Variants in GALNT18 observed in about 807,000 individuals in gnomAD.
GALNT18 encodes polypeptide N-acetylgalactosaminyltransferase 18, also known as GalNAc-transferase 18.
Under a neutral mutation model 69.5 loss-of-function variants are expected in GALNT18, and 44 were observed. That is an observed-to-expected ratio of 0.63 (90% CI 0.50 to 0.81). The LOEUF is 0.81. Among genes scored for constraint, GALNT18 ranks in the 40% least tolerant of loss-of-function variants. GALNT18 has a pLI of 0.00. For missense variants in GALNT18, 715 were observed against 810.0 expected (o/e 0.88, Z 1.42); for synonymous variants, 364 against 318.2 (o/e 1.14, Z -1.53).
chr11:11,561,150 G>A (rs1858494775), intron 1 of GALNT18, among the ~76,000 whole-genome samples: 3 of 152,086 alleles, frequency 2.0e-5, no homozygotes, highest in African/African-American at 7.3e-5. Context: ...AAATCCATGA[G>A]AAACAGCAGC....
chr11:11,318,574 TTTTCTGTCG>T lies in GALNT18; in HGVS notation c.1512+8503_1512+8511del, dbSNP rs1236739512. Reference sequence around the variant, plus strand: ...AGGCTTCAGAATTGTGAGACAGTAATTTTCTGTCGTTTAAGTCTCGCAGCTTGTGGTACT... The same window carrying T: ...AGGCTTCAGAATTGTGAGACAGTAATTTTAAGTCTCGCAGCTTGTGGTACT... On this transcript the variant is annotated intron_variant, in intron 9 of 10. Transcript: ENST00000227756. This position sits in a 1 kb window ranked among gnomAD's most constrained non-coding sequence, Gnocchi z 5.1. Among the ~76,000 whole-genome samples the T allele has an allele frequency of 6.6e-6, 1 of 152,092 alleles. No homozygotes were observed. Among genetic ancestry groups the T allele is most frequent in the Non-Finnish European group, 1.5e-5 (1 of 68,020 alleles).
chr11:11,613,918 T>C lies in GALNT18; in HGVS notation c.235+7441A>G, dbSNP rs1446051481. Among the ~76,000 whole-genome samples the C allele has an allele frequency of 3.3e-5, 5 of 152,202 alleles. No individual in the cohort carries two copies. The East Asian group carries it at 9.6e-4, about 29-fold the overall frequency. ...CCCACCATGCTGCCTTCTGGTTACATTTATCACTCACATTCAGCCGGGTTT... is the reference window on the plus strand; with the variant it reads ...CCCACCATGCTGCCTTCTGGTTACACTTATCACTCACATTCAGCCGGGTTT... On this transcript the variant is annotated intron_variant, in intron 1 of 10. Transcript: ENST00000227756. The surrounding 1 kb of genome is among the most constrained non-coding windows in gnomAD (Gnocchi z 4.2).
rs888500008 is a variant in GALNT18, at chr11:11,320,328, A to T, written c.1512+6758T>A. Among the ~76,000 whole-genome samples, 4 of 152,240 alleles carry T rather than the reference A, an allele frequency of 2.6e-5. No individual in the cohort carries two copies. The highest frequency in any genetic ancestry group is 9.6e-5 in the African/African-American group (4 of 41,462). ...GTAAAGTGCCACCTCCATCTCCTGC[A>T]GTTGTACAGTGCACAACCTGCACAA... On this transcript the variant is annotated intron_variant, in intron 9 of 10. Transcript: ENST00000227756. The surrounding 1 kb of genome is among the most constrained non-coding windows in gnomAD (Gnocchi z 4.9).
chr11:11,376,460 G>A (rs1195498294), intron 5 of GALNT18, among the ~76,000 whole-genome samples: 1 of 151,634 alleles, frequency 6.6e-6, no homozygotes, highest in African/African-American at 2.4e-5. Context: ...TAAAAGCCGA[G>A]ACCACACAAG....
chr11:11,345,436 C>T (rs1469009653), intron 6 of GALNT18, among the ~76,000 whole-genome samples: 1 of 152,060 alleles, frequency 6.6e-6, no homozygotes, highest in Non-Finnish European at 1.5e-5. Flanking sequence ...CTCAGAGGCC[C>T]TCTGGGATGG....
chr11:11,311,236 A>G (rs991666711), intron 9 of GALNT18, among the ~76,000 whole-genome samples: 3 of 152,210 alleles, frequency 2.0e-5, no homozygotes, highest in Non-Finnish European at 4.4e-5. Flanking sequence ...CAACTTCTTG[A>G]AGGTCTACTT....
At chr11:11,293,244 G>T (rs2133005747) in intron 9 of GALNT18, 51 bp from the exon 10 acceptor site, 1 of 1,298,160 alleles carries the variant, frequency 7.7e-7, no homozygotes, top group East Asian at 2.8e-5. Context: ...TGGCCACGGA[G>T]ACAGGAGCAT....
At position 11,486,115 on chromosome 11, in the gene GALNT18, G is replaced by A. The variant is rs867467917; in HGVS notation, c.236-37179C>T. Among the ~76,000 whole-genome samples the A allele has an allele frequency of 2.0e-5, 3 of 152,302 alleles. No individual in the cohort carries two copies. In the South Asian group the frequency reaches 6.2e-4, roughly 32 times the overall value. ...AGAAGGACTCAGCATGCTGGAAGCT[G>A]TGAGATTATCTGAAATTATGCATAT... On this transcript the variant is annotated intron_variant, in intron 1 of 10. Coordinates refer to ENST00000227756, the MANE Select transcript of GALNT18 (RefSeq NM_198516.3).
At chr11:11,612,697 A>G (rs1859939345) in intron 1 of GALNT18, among the ~76,000 whole-genome samples, 1 of 152,250 alleles carries the variant, frequency 6.6e-6, no homozygotes, top group Non-Finnish European at 1.5e-5. Flanking sequence ...GCAGCACTCA[A>G]CAATCTTAAT....
Position 11,586,455 on chromosome 11 carries a change from T to C in GALNT18, c.235+34904A>G. Among the ~76,000 whole-genome samples, 1 of 152,156 alleles carries C rather than the reference T, an allele frequency of 6.6e-6. No homozygotes were observed. Among genetic ancestry groups the C allele is most frequent in the East Asian group, 1.9e-4 (1 of 5,178 alleles). ...AAGTTTGAAAACTTCTGGCTTAAAC[T>C]ATAGCTAAAAGATAGGAAATTCTAC... On this transcript the variant is annotated intron_variant, in intron 1 of 10. Coordinates refer to ENST00000227756, the MANE Select transcript of GALNT18 (RefSeq NM_198516.3). The surrounding 1 kb of genome is among the most constrained non-coding windows in gnomAD (Gnocchi z 4.1).
In GALNT18 at chr11:11,338,693, G is replaced by T. The variant is rs2133054694; in HGVS notation, c.1278+2126C>A. 6.6e-6 allele frequency among the ~76,000 whole-genome samples: 1 copy of T among 152,314 alleles called. No homozygotes were observed. Among genetic ancestry groups the T allele is most frequent in the East Asian group, 1.9e-4 (1 of 5,176 alleles). ...AGATGTGAGTCTGAAAGTGAAGGCA[G>T]AAATCAGGGGTAGAGATATTAATTA... is the stretch of plus-strand genomic sequence containing the variant. On this transcript the variant is annotated intron_variant, in intron 7 of 10. Transcript: ENST00000227756. The surrounding 1 kb of genome is among the most constrained non-coding windows in gnomAD (Gnocchi z 5.3).
rs767436527 is a variant in GALNT18 at position 11,602,902 on chromosome 11, T to A, written c.235+18457A>T. Reference sequence around the variant, plus strand: ...TTTGTGCTGCTTCCAGGTACAGGAGTCAAAATGGGTGGTAAACTTGGGAAA... The same window carrying A: ...TTTGTGCTGCTTCCAGGTACAGGAGACAAAATGGGTGGTAAACTTGGGAAA... On this transcript the variant is annotated intron_variant, in intron 1 of 10. Transcript: ENST00000227756. The surrounding 1 kb of genome is among the most constrained non-coding windows in gnomAD (Gnocchi z 4.7). 1.3e-5 allele frequency among the ~76,000 whole-genome samples: 2 copies of A among 152,156 alleles called. No homozygotes were observed. Among genetic ancestry groups the A allele is most frequent in the African/African-American group, 2.4e-5 (1 of 41,432 alleles).
chr11:11,352,282 G>T, intron 6 of GALNT18: 1 of 1,614,074 alleles, frequency 6.2e-7, no homozygotes. Context: ...CGTTCCCATC[G>T]CTTTCGAGAG....
rs932782470 is a variant in GALNT18 at position 11,546,405 on chromosome 11, C to T, written c.235+74954G>A. ...CCTTCCGCTCTCTGTGCCAACCACA[C>T]CAACCTGCTGCCTGAGGCTCTGTCA... On this transcript the variant is annotated intron_variant, in intron 1 of 10. Transcript: ENST00000227756. This position sits in a 1 kb window ranked among gnomAD's most constrained non-coding sequence, Gnocchi z 5.8. Among the ~76,000 whole-genome samples the T allele has an allele frequency of 5.3e-5, 8 of 152,300 alleles. No homozygotes were observed. In the South Asian group the frequency reaches 1.2e-3, roughly 24 times the overall value.
intron 3 of GALNT18, among the ~76,000 whole-genome samples, chr11:11,412,088 G>A (rs191169880): frequency 6.6e-6 from 1 of 152,264 alleles, no homozygotes; most frequent in East Asian, 1.9e-4. Flanking sequence ...GGATCTGGAT[G>A]GGACACCAAG....
At chr11:11,288,963 T>A (rs920222084) in intron 10 of GALNT18, among the ~76,000 whole-genome samples, 1 of 152,182 alleles carries the variant, frequency 6.6e-6, no homozygotes, top group African/African-American at 2.4e-5. Context: ...TAGTGCATAA[T>A]GTGAAACCAG....
chr11:11,424,591 A>G (rs1855084893), intron 3 of GALNT18, among the ~76,000 whole-genome samples: 1 of 152,148 alleles, frequency 6.6e-6, no homozygotes, highest in African/African-American at 2.4e-5. Flanking sequence ...TGGGGTCTGG[A>G]GATGACCAGG....
intron 1 of GALNT18, among the ~76,000 whole-genome samples, chr11:11,504,583 C>A (rs1317664095): frequency 1.3e-5 from 2 of 151,980 alleles, no homozygotes; most frequent in Non-Finnish European, 2.9e-5. Flanking sequence ...ATGGCAAAAC[C>A]CCATTTCTAT....
rs761037536 is a variant in GALNT18, at chr11:11,590,773, C to T, written c.235+30586G>A. Among the ~76,000 whole-genome samples the T allele has an allele frequency of 2.6e-5, 4 of 152,146 alleles. No individual in the cohort carries two copies. Among genetic ancestry groups the T allele is most frequent in the Non-Finnish European group, 5.9e-5 (4 of 68,026 alleles). On this transcript the variant is annotated intron_variant, in intron 1 of 10. Coordinates refer to ENST00000227756, the MANE Select transcript of GALNT18 (RefSeq NM_198516.3). The surrounding 1 kb of genome is among the most constrained non-coding windows in gnomAD (Gnocchi z 4.4). Reference sequence around the variant, plus strand: ...ATTGCCTAGTAACATCACAGCCATCCTTATGTCACAGCACAATGCATTCCT... The same window carrying T: ...ATTGCCTAGTAACATCACAGCCATCTTTATGTCACAGCACAATGCATTCCT...
Sources: gnomAD v4.1 joint callset for allele counts (sites outside exome capture counted in the v4.1 genomes callset) on GRCh38, gnomAD v4.1.1 for gene constraint, Gnocchi (gnomAD v3.1) non-coding constraint, MANE v1.5 for transcripts, NCBI Gene and HGNC (gene_info 2026-07-23, HGNC 2026-07-21) for gene names.